HCN1: variants seen among roughly 807,000 people sequenced by gnomAD.
HCN1 encodes hyperpolarization activated cyclic nucleotide gated potassium channel 1, also known as potassium/sodium hyperpolarization-activated cyclic nucleotide-gated channel 1.
Under a neutral mutation model 78.9 loss-of-function variants are expected in HCN1, and 13 were observed. The ratio of observed to expected loss-of-function variants is 0.16; its 90% CI spans 0.11 to 0.26. The LOEUF is 0.26. Among genes scored for constraint, HCN1 ranks in the 10% least tolerant of loss-of-function variants. HCN1 has a pLI of 1.00. For synonymous variants in HCN1, 552 were observed against 455.5 expected (o/e 1.21, Z -2.70); for missense variants, 810 against 1,154.3 (o/e 0.70, Z 4.32).
chr5:45,673,097 G>C (rs1311057009), intron 1 of HCN1, among the ~76,000 whole-genome samples: 2 of 151,346 alleles, frequency 1.3e-5, no homozygotes, highest in African/African-American at 4.8e-5. Context: ...AGTTTTCTCA[G>C]ATTATTTTTC....
intron 2 of HCN1, among the ~76,000 whole-genome samples, chr5:45,480,743 C>T (rs1487558135): frequency 1.3e-5 from 2 of 151,940 alleles, no homozygotes; most frequent in Non-Finnish European, 1.5e-5. Flanking sequence ...TACTTTAGTC[C>T]CTGATCATTT....
At chr5:45,287,198 G>A (rs889119721) in intron 6 of HCN1, among the ~76,000 whole-genome samples, 2 of 151,808 alleles carry the variant, frequency 1.3e-5, no homozygotes, top group East Asian at 1.9e-4. Context: ...TGGTAACAAT[G>A]TTCAGAAAAT....
intron 4 of HCN1, among the ~76,000 whole-genome samples, chr5:45,375,194 A>G (rs1747586355): frequency 8.5e-6 from 1 of 117,654 alleles, no homozygotes; most frequent in Non-Finnish European, 1.7e-5. Flanking sequence ...TATTATATAT[A>G]ATATAATATT....
At chr5:45,647,967 T>A (rs1215904882) in intron 1 of HCN1, among the ~76,000 whole-genome samples, 1 of 152,324 alleles carries the variant, frequency 6.6e-6, no homozygotes, top group African/African-American at 2.4e-5. Context: ...CCAGCTGTTT[T>A]ATTTAAATAC....
At chr5:45,406,615 C>T (rs758860024) in intron 3 of HCN1, among the ~76,000 whole-genome samples, 4 of 152,086 alleles carry the variant, frequency 2.6e-5, no homozygotes, top group East Asian at 1.9e-4. Flanking sequence ...ATGTCATAAC[C>T]GTTTATATGA....
At chr5:45,328,451 C>T (rs1005914059) in intron 5 of HCN1, among the ~76,000 whole-genome samples, 1 of 151,558 alleles carries the variant, frequency 6.6e-6, no homozygotes, top group Non-Finnish European at 1.5e-5. Context: ...ACTTAATTAC[C>T]TCTTCAAATA....
chr5:45,628,477 G>T (rs1244387507), intron 2 of HCN1, among the ~76,000 whole-genome samples: 3 of 152,090 alleles, frequency 2.0e-5, no homozygotes, highest in Non-Finnish European at 4.4e-5. Context: ...AAACTTTTCT[G>T]AATCTTTGTA....
chr5:45,262,263 G>A lies in HCN1; in HGVS notation c.2331C>T (p.Thr777=), dbSNP rs962554376. ...VHKSTQALHN[T]NLTREVRPLS... Reference sequence around the variant, plus strand: ...GTGGCCTGACTTCCCGGGTCAGGTTGGTGTTGTGAAGCGCCTGCGTGCTCT... The same window carrying A: ...GTGGCCTGACTTCCCGGGTCAGGTTAGTGTTGTGAAGCGCCTGCGTGCTCT... The change falls in exon 8 of 8, where the codon ACC becomes ACT. Residue 777 remains threonine, a synonymous_variant. Transcript: ENST00000303230. 2 of 1,613,930 alleles carry A rather than the reference G, an allele frequency of 1.2e-6. No individual in the cohort carries two copies. The highest frequency in any genetic ancestry group is 2.7e-5 in the African/African-American group (2 of 74,932).
At chr5:45,582,414 T>C (rs1744100851) in intron 2 of HCN1, among the ~76,000 whole-genome samples, 1 of 152,170 alleles carries the variant, frequency 6.6e-6, no homozygotes, top group Non-Finnish European at 1.5e-5. Flanking sequence ...CTTAAGGAGA[T>C]TTTGGGCTGA....
intron 4 of HCN1, among the ~76,000 whole-genome samples, chr5:45,364,613 T>G (rs2111995830): frequency 6.6e-6 from 1 of 152,218 alleles, no homozygotes; most frequent in Admixed American, 6.6e-5. Context: ...AGACTTGGTT[T>G]TGGGTACACT....
At chr5:45,403,793 G>T (rs892950996) in intron 3 of HCN1, among the ~76,000 whole-genome samples, 3 of 152,168 alleles carry the variant, frequency 2.0e-5, no homozygotes, top group African/African-American at 7.2e-5. Flanking sequence ...TCAGGTACAT[G>T]GTTCTAAACT....
chr5:45,510,069 T>C (rs1384254988), intron 2 of HCN1, among the ~76,000 whole-genome samples: 1 of 152,028 alleles, frequency 6.6e-6, no homozygotes, highest in Non-Finnish European at 1.5e-5. Flanking sequence ...TTTTGGCAAA[T>C]AATAATAACA....
chr5:45,637,703 G>A (rs1416057488), intron 2 of HCN1, among the ~76,000 whole-genome samples: 2 of 151,910 alleles, frequency 1.3e-5, no homozygotes, highest in Non-Finnish European at 2.9e-5. Context: ...TAGAAAACAT[G>A]AACACATATT....
chr5:45,541,554 A>G (rs184925397), intron 2 of HCN1, among the ~76,000 whole-genome samples: 68 of 152,246 alleles, frequency 4.5e-4, no homozygotes, highest in Non-Finnish European at 5.1e-4. Flanking sequence ...ACACTTTATC[A>G]TTTATTTTTT....
Position 45,527,642 on chromosome 5 carries a change from A to C in HCN1, c.850-65635T>G, listed in dbSNP as rs189445790. 1.1e-3 allele frequency among the ~76,000 whole-genome samples: 168 copies of C among 150,704 alleles called. 1 individual carries two copies. Among genetic ancestry groups the C allele is most frequent in the Non-Finnish European group, 1.4e-3 (93 of 67,476 alleles). ...CTCTCTCTCTCTGTCTCTCTCTCAC[A>C]CACTGACATTCACATCCTTTCCTAC... On this transcript the variant is annotated intron_variant, in intron 2 of 7. Coordinates refer to ENST00000303230, the MANE Select transcript of HCN1 (RefSeq NM_021072.4).
chr5:45,622,673 A>G (rs973136366), intron 2 of HCN1, among the ~76,000 whole-genome samples: 10 of 152,086 alleles, frequency 6.6e-5, no homozygotes, highest in Admixed American at 3.9e-4. Context: ...ATAAAAAGGA[A>G]CCCATCAACA....
At chr5:45,551,098 A>G (rs1056537880) in intron 2 of HCN1, among the ~76,000 whole-genome samples, 8 of 152,126 alleles carry the variant, frequency 5.3e-5, no homozygotes, top group Admixed American at 3.3e-4. Context: ...TCTGATGCAT[A>G]TTAGCATTTT....
At chr5:45,374,105 A>C (rs1311889645) in intron 4 of HCN1, among the ~76,000 whole-genome samples, 1 of 99,866 alleles carries the variant, frequency 1.0e-5, no homozygotes, top group Non-Finnish European at 1.9e-5. Flanking sequence ...TATAATATAT[A>C]TTATATACAT....
At chr5:45,660,420 A>G (rs1261297181) in intron 1 of HCN1, among the ~76,000 whole-genome samples, 2 of 131,558 alleles carry the variant, frequency 1.5e-5, no homozygotes, top group Non-Finnish European at 3.2e-5. Flanking sequence ...ACCAGCTAAC[A>G]TCATAATGAC....
Sources: allele counts gnomAD v4.1 joint callset (sites outside exome capture counted in the v4.1 genomes callset), GRCh38; gene constraint gnomAD v4.1.1; transcripts MANE v1.5; gene names NCBI Gene and HGNC (gene_info 2026-07-23, HGNC 2026-07-21).